Variants in ZNF236 observed in about 807,000 individuals in gnomAD.
ZNF236 encodes the protein zinc finger protein 236, also known as regulated by glucose.
In ZNF236, 50 loss-of-function variants were observed where a neutral mutation model predicts 191.2. That is an observed-to-expected ratio of 0.26 (90% CI 0.21 to 0.33). The LOEUF is 0.33. Among genes scored for constraint, ZNF236 ranks in the 10% least tolerant of loss-of-function variants. The pLI is 1.00. For missense variants in ZNF236, 1,754 were observed against 2,374.5 expected (o/e 0.74, Z 5.43); for synonymous variants, 907 against 928.8 (o/e 0.98, Z 0.43).
intron 10 of ZNF236, among the ~76,000 whole-genome samples, chr18:76,897,647 A>G (rs1977471548): frequency 6.6e-6 from 1 of 152,086 alleles, no homozygotes; most frequent in South Asian, 2.1e-4. Flanking sequence ...TACTGTACAT[A>G]GGCACTGCCC....
intron 9 of ZNF236, chr18:76,884,866 A>C (rs780986921): frequency 6.6e-6 from 1 of 152,162 alleles, no homozygotes; most frequent in African/African-American, 2.4e-5. Flanking sequence ...AATTGCGTAA[A>C]AGCTAAGTGC....
intron 30 of ZNF236, among the ~76,000 whole-genome samples, chr18:76,963,729 A>T (rs1968712987): frequency 2.0e-5 from 3 of 152,084 alleles, no homozygotes; most frequent in Admixed American, 1.3e-4. Flanking sequence ...GGTAATTTTT[A>T]AATTACTATT....
chr18:76,847,762 C>T (rs1355276737), intron 1 of ZNF236, among the ~76,000 whole-genome samples: 1 of 152,240 alleles, frequency 6.6e-6, no homozygotes, highest in Non-Finnish European at 1.5e-5. Flanking sequence ...AGGCGTGAGC[C>T]CCTCCGCCCG....
chr18:76,850,229 A>T (rs757662775), intron 2 of ZNF236, among the ~76,000 whole-genome samples: 3 of 152,176 alleles, frequency 2.0e-5, no homozygotes, highest in Non-Finnish European at 2.9e-5. Flanking sequence ...TAAAAAAGTG[A>T]TTGTCAACTT....
At chr18:76,881,206 G>A in intron 8 of ZNF236, 78 bp from the exon 9 acceptor site, 1 of 1,250,462 alleles carries the variant, frequency 8.0e-7, no homozygotes, top group Non-Finnish European at 1.1e-6. Flanking sequence ...AATTCTATAG[G>A]TAAAGCTTTT....
intron 1 of ZNF236, among the ~76,000 whole-genome samples, chr18:76,830,541 C>T (rs923651666): frequency 2.6e-5 from 4 of 152,058 alleles, no homozygotes; most frequent in Non-Finnish European, 2.9e-5. Context: ...TGCCTCTCCC[C>T]GGAGATTCAA....
chr18:76,913,183 A>G (rs1967264198), intron 17 of ZNF236, among the ~76,000 whole-genome samples: 1 of 152,212 alleles, frequency 6.6e-6, no homozygotes, highest in Admixed American at 6.5e-5. Flanking sequence ...TGAAATTTAT[A>G]ATTATTTTAA....
intron 30 of ZNF236, among the ~76,000 whole-genome samples, chr18:76,964,036 CTTTTG>C (rs1386428273): frequency 6.6e-6 from 1 of 151,940 alleles, no homozygotes; most frequent in African/African-American, 2.4e-5. Flanking sequence ...TTTCAGTTAT[CTTTTG>C]TTTGTTTGTT....
At chr18:76,934,895 A>G (rs1967954864) in intron 25 of ZNF236, among the ~76,000 whole-genome samples, 2 of 152,236 alleles carry the variant, frequency 1.3e-5, no homozygotes, top group South Asian at 4.1e-4. Flanking sequence ...ATGAGGTGAT[A>G]TCCCAAGAGA....
chr18:76,836,742 T>TA, intron 1 of ZNF236, among the ~76,000 whole-genome samples: 1 of 152,026 alleles, frequency 6.6e-6, no homozygotes, highest in Non-Finnish European at 1.5e-5. Context: ...CACGCCTGGC[T>TA]AATTTTTTGT....
chr18:76,823,439 G>A (rs967333061), intron 1 of ZNF236, among the ~76,000 whole-genome samples: 2 of 151,432 alleles, frequency 1.3e-5, no homozygotes, highest in African/African-American at 4.9e-5. Context: ...CAAACAGTAG[G>A]CACCATTGTG....
At chr18:76,920,384 C>G (rs1471211950) in intron 20 of ZNF236, among the ~76,000 whole-genome samples, 1 of 151,928 alleles carries the variant, frequency 6.6e-6, no homozygotes, top group Admixed American at 6.6e-5. Flanking sequence ...AACCTGGTCT[C>G]TACTAAAAAA....
At chr18:76,897,598 A>T (rs1196612451) in intron 10 of ZNF236, among the ~76,000 whole-genome samples, 1 of 152,066 alleles carries the variant, frequency 6.6e-6, no homozygotes, top group Non-Finnish European at 1.5e-5. Flanking sequence ...AGTACCAAAC[A>T]GTACTGCACA....
Position 76,937,272 on chromosome 18 carries a change from C to T in ZNF236, c.4711C>T (p.Leu1571=), listed in dbSNP as rs1334364529. The T allele has an allele frequency of 6.2e-7, 1 of 1,614,184 alleles. No individual in the cohort carries two copies. Among genetic ancestry groups the T allele is most frequent in the African/African-American group, 1.3e-5 (1 of 75,042 alleles). ...SGVGGDASVT[L]TLADTQGMLS... ...CGTGGGAGGTGACGCTAGTGTCACG[C>T]TGACGCTGGCCGATACTCAGGGTAT... Residue 1571 remains leucine, a synonymous_variant, in exon 26 of 31, where the codon CTG becomes TTG. Coordinates refer to ENST00000320610, the MANE Select transcript of ZNF236 (RefSeq NM_001306089.2).
At chr18:76,937,886 G>A (rs1434069142) in intron 26 of ZNF236, among the ~76,000 whole-genome samples, 1 of 152,052 alleles carries the variant, frequency 6.6e-6, no homozygotes, top group Non-Finnish European at 1.5e-5. Context: ...CTTTAATTAG[G>A]AAAATCATAA....
chr18:76,969,953 G>A lies in ZNF236; in HGVS notation c.*1614G>A, dbSNP rs1211355124. On this transcript the variant is annotated 3_prime_UTR_variant, in exon 31 of 31. Transcript: ENST00000320610. Reference sequence around the variant, plus strand: ...GTATTGTATATTTTTTTAAGAAAAAGAAAAGCCTTATTTGACTTATGCTTG... The same window carrying A: ...GTATTGTATATTTTTTTAAGAAAAAAAAAAGCCTTATTTGACTTATGCTTG... 6.6e-6 allele frequency: 1 copy of A among 152,518 alleles called. No individual in the cohort carries two copies. The highest frequency in any genetic ancestry group is 2.4e-5 in the African/African-American group (1 of 41,416). The allele number at this position is 152,518 out of a possible 1,614,324, so 9.4% of individuals were successfully genotyped here. A position where few individuals can be genotyped will look rare whatever the true frequency, so the allele number is the denominator to read the frequency against.
chr18:76,884,887 T>C (rs1482545577), intron 9 of ZNF236: 1 of 152,208 alleles, frequency 6.6e-6, no homozygotes, highest in Non-Finnish European at 1.5e-5. Flanking sequence ...AGGTAGCCTT[T>C]CTCCTTCTCC....
intron 5 of ZNF236, among the ~76,000 whole-genome samples, chr18:76,874,489 G>T (rs118014268): frequency 0.016 from 2,413 of 152,122 alleles, 29 homozygotes; most frequent in Middle Eastern, 0.02. Flanking sequence ...CTGAAGAGCC[G>T]CAGCGCACAA....
intron 1 of ZNF236, among the ~76,000 whole-genome samples, chr18:76,845,726 G>A (rs1975654668): frequency 6.6e-6 from 1 of 152,076 alleles, no homozygotes; most frequent in Admixed American, 6.6e-5. Flanking sequence ...GCGCACACCT[G>A]TAATCCCATC....
Sources: allele counts gnomAD v4.1 joint callset (sites outside exome capture counted in the v4.1 genomes callset), GRCh38; gene constraint gnomAD v4.1.1; transcripts MANE v1.5; gene names NCBI Gene and HGNC (gene_info 2026-07-23, HGNC 2026-07-21).